The following PRMT9 variants were observed in gnomAD, a reference collection of about 807,000 sequenced individuals.
PRMT9 encodes the protein protein arginine N-methyltransferase 9.
PRMT9 carries 59 observed loss-of-function variants against 83.2 expected under a neutral mutation model. The ratio of observed to expected loss-of-function variants is 0.71; its 90% CI spans 0.57 to 0.88. The LOEUF (loss-of-function observed/expected upper bound fraction) is 0.88, where lower values mean the gene tolerates loss of function less well. Ranked by LOEUF, PRMT9 falls within the 40% of genes least tolerant of loss-of-function variation. The pLI is 0.00. For synonymous variants in PRMT9, 333 were observed against 353.2 expected, an observed-to-expected ratio of 0.94 and a Z score of 0.64; for missense variants, 947 against 1,021.9, an observed-to-expected ratio of 0.93 and a Z score of 1.00.
Position 147,684,014 on chromosome 4 carries a change from G to A in PRMT9, c.-27C>T. On this transcript the variant is annotated 5_prime_UTR_variant, in exon 1 of 12. Transcript: ENST00000322396. ...GCAGTCACCACTTGTATGGCCAAAG[G>A]GAAGATATTTTGTAAACGTAATTAG... 1.2e-6 allele frequency: 2 copies of A among 1,608,194 alleles called. No homozygotes were observed. Among genetic ancestry groups the A allele is most frequent in the Non-Finnish European group, 8.5e-7 (1 of 1,176,990 alleles).
chr4:147,663,059 A>G (rs1735078573), intron 6 of PRMT9, among the ~76,000 whole-genome samples: 1 of 148,720 alleles, frequency 6.7e-6, no homozygotes. Context: ...CCCAGGCTGG[A>G]GTGCAGTGGC....
intron 6 of PRMT9, among the ~76,000 whole-genome samples, chr4:147,663,373 T>C (rs1735103636): frequency 6.6e-6 from 1 of 151,680 alleles, no homozygotes; most frequent in African/African-American, 2.4e-5. Context: ...TGACAATTTT[T>C]TGTGTGTGAG....
chr4:147,666,765 C>A (rs950321707), intron 6 of PRMT9, among the ~76,000 whole-genome samples: 1 of 147,334 alleles, frequency 6.8e-6, no homozygotes, highest in Non-Finnish European at 1.5e-5. Context: ...GTAGCACTCA[C>A]ATTTATTTTG....
rs1322257314 is a variant in PRMT9, at chr4:147,657,897, T to A, written c.1225A>T (p.Met409Leu). Residue 409 changes from methionine (M) to leucine (L), a missense_variant, in exon 8 of 12, where the codon ATG becomes TTG. Physicochemically the swap from Met to Leu is conservative, Grantham distance 15 (BLOSUM62 2). Coordinates refer to ENST00000322396, the MANE Select transcript of PRMT9 (RefSeq NM_138364.4). ...TCAAGCTGGAGCACAAACCAAACCA[T>A]AATAGCATCTAGTATGCCTTCTTTA... is the stretch of plus-strand genomic sequence containing the variant. The part of the protein sequence containing the change: ...VIKEGILDAI[M>L]VWFVLQLDDE... The A allele has an allele frequency of 5.0e-6, 8 of 1,608,476 alleles. No homozygotes were observed. Among genetic ancestry groups the A allele is most frequent in the Admixed American group, 3.4e-5 (2 of 59,272 alleles).
At chr4:147,647,895 T>A (rs1346133645) in intron 9 of PRMT9, among the ~76,000 whole-genome samples, 1 of 152,168 alleles carries the variant, frequency 6.6e-6, no homozygotes, top group Non-Finnish European at 1.5e-5. Context: ...CATCAGGCTG[T>A]AACAAATCAA....
At chr4:147,664,883 G>C (rs911452254) in intron 6 of PRMT9, among the ~76,000 whole-genome samples, 1 of 152,034 alleles carries the variant, frequency 6.6e-6, no homozygotes, top group Admixed American at 6.6e-5. Flanking sequence ...GGGAGGCCGA[G>C]GCAAGCAGAT....
Position 147,670,653 on chromosome 4 carries a change from A to G in PRMT9, c.834T>C (p.Leu278=), listed in dbSNP as rs376324319. Residue 278 remains leucine (L), a synonymous_variant, in exon 5 of 12, where the codon CTT becomes CTC. Coordinates refer to ENST00000322396, the MANE Select transcript of PRMT9 (RefSeq NM_138364.4). ...TCATACTGCTTACCTTTGGCTGTAA[A>G]AGTAAATGCTCCCATGCATGAATCA... is the stretch of plus-strand genomic sequence containing the variant. The part of the protein sequence containing the change: ...ESLIHAWEHL[L]LQPKTKGESA... The G allele has an allele frequency of 1.2e-6, 2 of 1,608,472 alleles. No individual in the cohort carries two copies. The highest frequency in any genetic ancestry group is 1.7e-4 in the Middle Eastern group (1 of 6,052).
At chr4:147,642,710 T>G in intron 10 of PRMT9, 77 bp downstream of exon 10, 1 of 1,260,962 alleles carries the variant, frequency 7.9e-7, no homozygotes, top group Non-Finnish European at 1.2e-6. Flanking sequence ...TTTAGCTAGA[T>G]TAAACAGTGA....
At chr4:147,642,746 T>C (rs777700884) in intron 10 of PRMT9, 41 bp downstream of exon 10, 2 of 1,565,648 alleles carry the variant, frequency 1.3e-6, no homozygotes, top group African/African-American at 1.4e-5. Flanking sequence ...TGGTAGACTG[T>C]TCAACAGCAT....
chr4:147,660,466 C>A (rs1239636160), intron 7 of PRMT9, among the ~76,000 whole-genome samples: 1 of 152,082 alleles, frequency 6.6e-6, no homozygotes, highest in African/African-American at 2.4e-5. Flanking sequence ...CGCATCTCTA[C>A]TAAAAATATA....
chr4:147,639,660 T>C (rs1187315259), intron 10 of PRMT9, among the ~76,000 whole-genome samples: 1 of 152,162 alleles, frequency 6.6e-6, no homozygotes, highest in Admixed American at 6.5e-5. Context: ...ATGTACAAAG[T>C]TGTGAATCAC....
chr4:147,683,440 G>T (rs1578951803), intron 1 of PRMT9, among the ~76,000 whole-genome samples: 1 of 152,186 alleles, frequency 6.6e-6, no homozygotes, highest in African/African-American at 2.4e-5. Flanking sequence ...CTCGAACCAG[G>T]GTAGTAAAGG....
Position 147,657,909 on chromosome 4 carries a change from G to T in PRMT9, c.1213C>A (p.Leu405Ile), listed in dbSNP as rs1462413595. The change falls in exon 8 of 12, where the codon CTA becomes ATA. Residue 405 changes from leucine to isoleucine, a missense_variant. Physicochemically the swap from Leu to Ile is conservative, Grantham distance 5 (BLOSUM62 2). Coordinates refer to ENST00000322396, the MANE Select transcript of PRMT9 (RefSeq NM_138364.4). Reference protein sequence around the residue: ...IGIPVIKEGILDAIMVWFVLQ... With the variant: ...IGIPVIKEGIIDAIMVWFVLQ... The stretch of plus-strand genomic sequence containing the variant: ...ACAAACCAAACCATAATAGCATCTA[G>T]TATGCCTTCTTTAATAACAGGAATA... 1.9e-6 allele frequency: 3 copies of T among 1,605,658 alleles called. No individual in the cohort carries two copies. The highest frequency in any genetic ancestry group is 1.6e-4 in the Middle Eastern group (1 of 6,080).
intron 6 of PRMT9, 49 bp from the exon 7 acceptor site, chr4:147,661,087 A>C (rs200652735): frequency 1.6e-6 from 2 of 1,217,498 alleles, no homozygotes; most frequent in East Asian, 2.3e-5. Flanking sequence ...ATTTTTTTAG[A>C]ATCAAGTAAC....
chr4:147,649,439 C>G (rs887736254), intron 9 of PRMT9, among the ~76,000 whole-genome samples: 6 of 152,116 alleles, frequency 3.9e-5, no homozygotes, highest in Non-Finnish European at 8.8e-5. Flanking sequence ...AACGAAAGAG[C>G]TTACCAAACC....
chr4:147,657,716 ATTT>A, intron 8 of PRMT9, 73 bp downstream of exon 8: 1 of 1,044,786 alleles, frequency 9.6e-7, no homozygotes, highest in Non-Finnish European at 1.4e-6. Context: ...ATCCAAAGTA[ATTT>A]TTTTTTTGCC....
In PRMT9 at chr4:147,671,738, T is replaced by C. The variant is rs1735746839; in HGVS notation, c.744-995A>G. The C allele has an allele frequency of 7.0e-5, 29 of 413,416 alleles. 1 individual carries two copies. The highest frequency in any genetic ancestry group is 5.2e-4 in the South Asian group (29 of 56,290). The allele number at this position is 413,416 out of a possible 1,614,324, so 25.6% of individuals were successfully genotyped here. A position where few individuals can be genotyped will look rare whatever the true frequency, so the allele number is the denominator to read the frequency against. On this transcript the variant is annotated intron_variant, in intron 4 of 11. Transcript: ENST00000322396. ...AAAATAAATTAATAATAGTCTAATC[T>C]GGAATCCATAGCTCCTGGTTCAAAA...
rs1446372927 is a variant in PRMT9, at chr4:147,674,986, T to A, written c.339-1112A>T. On this transcript the variant is annotated intron_variant, in intron 2 of 11. Coordinates refer to ENST00000322396, the MANE Select transcript of PRMT9 (RefSeq NM_138364.4). ...CTGCCAAGTTTAGAGAAACTTTTTT[T>A]TTCTTTTTTTTGAGACAGAGTTTCG... 2.0e-5 allele frequency among the ~76,000 whole-genome samples: 3 copies of A among 152,318 alleles called. No individual in the cohort carries two copies. In the Middle Eastern group the frequency reaches 0.01, roughly 518 times the overall value.
In PRMT9 at chr4:147,663,297, C is replaced by T. The variant is rs528630416; in HGVS notation, c.954-2259G>A. Reference sequence around the variant, plus strand: ...TGCTGAGATTACAGGCATGAACCACCGCGCCCAGCCTACTATGATTTCAAT... The same window carrying T: ...TGCTGAGATTACAGGCATGAACCACTGCGCCCAGCCTACTATGATTTCAAT... On this transcript the variant is annotated intron_variant, in intron 6 of 11. Transcript: ENST00000322396. 4.9e-4 allele frequency among the ~76,000 whole-genome samples: 74 copies of T among 152,104 alleles called. 1 individual carries two copies. The highest frequency in any genetic ancestry group is 1.7e-3 in the African/African-American group (71 of 41,472).
Sources: gnomAD v4.1 joint callset for allele counts (sites outside exome capture counted in the v4.1 genomes callset) on GRCh38, gnomAD v4.1.1 for gene constraint, MANE v1.5 for transcripts, NCBI Gene and HGNC (gene_info 2026-07-23, HGNC 2026-07-21) for gene names.